Variants in UTRN observed in about 807,000 individuals in gnomAD.
UTRN encodes dystrophin-related protein 1.
In UTRN, 283 loss-of-function variants were observed where a neutral mutation model predicts 463.9. The ratio of observed to expected loss-of-function variants is 0.61; its 90% CI spans 0.55 to 0.67. The LOEUF (loss-of-function observed/expected upper bound fraction) is 0.67. Among genes scored for constraint, UTRN ranks in the 30% least tolerant of loss-of-function variants. The pLI, the probability that UTRN is intolerant of heterozygous loss-of-function variation, is 0.00. For missense variants in UTRN, 3,922 were observed against 4,084.3 expected, an observed-to-expected ratio of 0.96 and a Z score of 1.08; for synonymous variants, 1,442 against 1,431.5, an observed-to-expected ratio of 1.01 and a Z score of -0.17.
At chr6:144,296,894 T>C (rs944365311) in intron 2 of UTRN, among the ~76,000 whole-genome samples, 2 of 152,212 alleles carry the variant, frequency 1.3e-5, no homozygotes, top group Non-Finnish European at 2.9e-5. Flanking sequence ...AGCCTACTGC[T>C]TCTGGGCCAG....
At position 144,757,212 on chromosome 6, in the gene UTRN, ATAAG is replaced by A. The variant is rs1327284677; in HGVS notation, c.8435-712_8435-709del. The stretch of plus-strand genomic sequence containing the variant: ...TTAATGTAGGAATAATATATTTTTT[ATAAG>A]TAAGAAGTAACTAGAATTGTAAAAA... On this transcript the variant is annotated intron_variant, in intron 57 of 74. Coordinates refer to ENST00000367545, the MANE Select transcript of UTRN (RefSeq NM_007124.3). 5.3e-5 allele frequency among the ~76,000 whole-genome samples: 8 copies of A among 149,588 alleles called. No individual in the cohort carries two copies. In the South Asian group the frequency reaches 1.1e-3, roughly 20 times the overall value.
chr6:144,606,113 A>G (rs541951068), intron 51 of UTRN, among the ~76,000 whole-genome samples: 2 of 152,340 alleles, frequency 1.3e-5, no homozygotes, highest in East Asian at 3.9e-4. Flanking sequence ...AAATGTGACA[A>G]TGCAGTGATT....
intron 2 of UTRN, among the ~76,000 whole-genome samples, chr6:144,369,900 T>C (rs1005013337): frequency 3.9e-4 from 60 of 152,328 alleles, no homozygotes; most frequent in African/African-American, 1.4e-3. Flanking sequence ...CCTTTGCTCC[T>C]CCTTCACCTT....
chr6:144,460,820 G>A (rs989581585), intron 21 of UTRN, among the ~76,000 whole-genome samples: 2 of 152,200 alleles, frequency 1.3e-5, no homozygotes, highest in Non-Finnish European at 2.9e-5. Flanking sequence ...ACACGGTGGA[G>A]CTTACAGCAA....
In UTRN at chr6:144,286,368, C is replaced by T. The variant is rs546074263; in HGVS notation, c.-93+547C>T. 6.6e-6 allele frequency among the ~76,000 whole-genome samples: 1 copy of T among 151,116 alleles called. No homozygotes were observed. The highest frequency in any genetic ancestry group is 2.0e-4 in the East Asian group (1 of 5,088). On this transcript the variant is annotated intron_variant, in intron 1 of 74. Coordinates refer to ENST00000367545, the MANE Select transcript of UTRN (RefSeq NM_007124.3). This position sits in a 1 kb window ranked among gnomAD's most constrained non-coding sequence, Gnocchi z 4.4. ...GAGCGCTTCCCAGCCAGCCGCCCGG[C>T]GGGGAACGTGCTTGACCTCTGGGTG... is the stretch of plus-strand genomic sequence containing the variant.
intron 52 of UTRN, among the ~76,000 whole-genome samples, chr6:144,689,979 T>TA (rs1783153382): frequency 6.6e-6 from 1 of 150,824 alleles, no homozygotes; most frequent in Non-Finnish European, 1.5e-5. Flanking sequence ...GCTGTGGTGG[T>TA]ACTGGTGGGA....
rs1791666279 is a variant in UTRN at position 144,479,889 on chromosome 6, G to C, written c.3414G>C (p.Gln1138His). 1.9e-6 allele frequency: 3 copies of C among 1,614,214 alleles called. No individual in the cohort carries two copies. Among genetic ancestry groups the C allele is most frequent in the Non-Finnish European group, 2.5e-6 (3 of 1,180,034 alleles). Reference sequence around the variant, plus strand: ...TGAAGAAAGACTTGGCAGAGATGCAGGAATGGATGACCCAGGCCGAGGAAG... The same window carrying C: ...TGAAGAAAGACTTGGCAGAGATGCACGAATGGATGACCCAGGCCGAGGAAG... ...ANLKKDLAEMQEWMTQAEEEY... is the reference protein window; with the variant it reads ...ANLKKDLAEMHEWMTQAEEEY... The change falls in exon 26 of 75, where the codon CAG becomes CAC. Residue 1138 changes from glutamine (Q) to histidine (H), a missense_variant. Gln to His is a conservative substitution (Grantham distance 24, BLOSUM62 0). This residue lies in a region of UTRN where 2,349 missense variants were observed against 2,303.8 expected (regional missense o/e 1.02). Transcript: ENST00000367545.
chr6:144,830,118 C>T (rs1780538503), intron 69 of UTRN, among the ~76,000 whole-genome samples: 1 of 152,134 alleles, frequency 6.6e-6, no homozygotes, highest in South Asian at 2.1e-4. Context: ...CAAAATCTTA[C>T]TTCTTTAAAA....
At chr6:144,821,166 T>G in intron 66 of UTRN, 148 bp downstream of exon 66, 1 of 1,053,894 alleles carries the variant, frequency 9.5e-7, no homozygotes. Context: ...ACAACATGAA[T>G]TTTTACAATT....
intron 53 of UTRN, among the ~76,000 whole-genome samples, chr6:144,715,578 A>G (rs1786317061): frequency 6.6e-6 from 1 of 151,978 alleles, no homozygotes. Flanking sequence ...CTGAGCTTTC[A>G]GTCACAGTGC....
At chr6:144,350,048 G>A (rs187125318) in intron 2 of UTRN, among the ~76,000 whole-genome samples, 11 of 152,230 alleles carry the variant, frequency 7.2e-5, no homozygotes, top group South Asian at 2.1e-4. Flanking sequence ...TTTTAGTCTA[G>A]GACTAAAGGA....
intron 2 of UTRN, among the ~76,000 whole-genome samples, chr6:144,339,635 T>G (rs1776991684): frequency 6.6e-6 from 1 of 152,162 alleles, no homozygotes; most frequent in African/African-American, 2.4e-5. Context: ...AAAGAGGTGT[T>G]TGTCATATCA....
At chr6:144,559,458 T>C (rs1799670883) in intron 50 of UTRN, among the ~76,000 whole-genome samples, 1 of 152,174 alleles carries the variant, frequency 6.6e-6, no homozygotes, top group Non-Finnish European at 1.5e-5. Context: ...TTTTCTCTTT[T>C]AAACCCAGTG....
At chr6:144,324,419 T>C (rs1775850676) in intron 2 of UTRN, among the ~76,000 whole-genome samples, 6 of 152,212 alleles carry the variant, frequency 3.9e-5, no homozygotes, top group Admixed American at 2.6e-4. Flanking sequence ...AATTTCTCTC[T>C]ATAGGAAATC....
At chr6:144,767,463 C>T (rs1230306913) in intron 58 of UTRN, among the ~76,000 whole-genome samples, 1 of 152,122 alleles carries the variant, frequency 6.6e-6, no homozygotes, top group Admixed American at 6.5e-5. Context: ...ATATCAAGAG[C>T]TTAGCTTAAA....
At chr6:144,397,653 T>C (rs974586284) in intron 2 of UTRN, among the ~76,000 whole-genome samples, 1 of 152,124 alleles carries the variant, frequency 6.6e-6, no homozygotes, top group Non-Finnish European at 1.5e-5. Flanking sequence ...AGTCTGAGGC[T>C]GAAATGAAGA....
chr6:144,825,856 T>A (rs956402066), intron 66 of UTRN, among the ~76,000 whole-genome samples: 2 of 152,154 alleles, frequency 1.3e-5, no homozygotes, highest in African/African-American at 4.8e-5. Flanking sequence ...TGTTTTATTG[T>A]TATTGTATCT....
intron 2 of UTRN, among the ~76,000 whole-genome samples, chr6:144,326,214 T>G (rs1396317059): frequency 6.6e-6 from 1 of 152,202 alleles, no homozygotes; most frequent in African/African-American, 2.4e-5. Flanking sequence ...AGAAATCATT[T>G]TATTAAAACA....
chr6:144,583,549 T>A (rs1374103615), intron 51 of UTRN: 1 of 716,058 alleles, frequency 1.4e-6, no homozygotes, highest in African/African-American at 1.7e-5. Context: ...TTTTGTTGCA[T>A]CGCTTACAAA....
Sources: gnomAD v4.1 joint callset for allele counts (sites outside exome capture counted in the v4.1 genomes callset) on GRCh38, gnomAD v4.1.1 for gene constraint, gnomAD v4.1.1 regional missense constraint, Gnocchi (gnomAD v3.1) non-coding constraint, MANE v1.5 for transcripts, NCBI Gene and HGNC (gene_info 2026-07-23, HGNC 2026-07-21) for gene names.